Variants in NBEAL2 observed in about 807,000 individuals in gnomAD.
The protein encoded by NBEAL2 is neurobeachin like 2, also known as neurobeachin-like protein 2.
NBEAL2 carries 160 observed loss-of-function variants against 299.8 expected under a neutral mutation model. The ratio of observed to expected loss-of-function variants is 0.53; its 90% CI spans 0.47 to 0.61. The LOEUF (loss-of-function observed/expected upper bound fraction) is 0.61. Among genes scored for constraint, NBEAL2 ranks in the 20% least tolerant of loss-of-function variants. The probability of loss-of-function intolerance (pLI) is 0.00; values close to 1 mark genes in which losing one functional copy is unlikely to be tolerated. For missense variants in NBEAL2, 3,112 were observed against 3,649.0 expected, an observed-to-expected ratio of 0.85 and a Z score of 3.79; for synonymous variants, 1,493 against 1,542.3, an observed-to-expected ratio of 0.97 and a Z score of 0.75.
In NBEAL2 at chr3:46,989,154, G is replaced by C; in HGVS notation, c.339G>C (p.Lys113Asn). ...CCCGAGTGCTGGCACTGTTGACCAA[G>C]TTGGTGGCGGAGGTGAAGTGGCCTC... ...LVPRVLALLT[K>N]LVAELKGCPP... The change falls in exon 4 of 54, where the codon AAG becomes AAC. Residue 113 changes from lysine (K) to asparagine (N), a missense_variant. Physicochemically the swap from Lys to Asn is moderately conservative, Grantham distance 94. Transcript: ENST00000450053. The surrounding 1 kb of genome is among the most constrained non-coding windows in gnomAD (Gnocchi z 5.5). 3.1e-6 allele frequency: 5 copies of C among 1,613,962 alleles called. No homozygotes were observed. Among genetic ancestry groups the C allele is most frequent in the Non-Finnish European group, 3.4e-6 (4 of 1,179,862 alleles).
Position 47,002,524 on chromosome 3 carries a change from T to A in NBEAL2, c.5301+4T>A. On this transcript the variant is annotated splice_donor_region_variant and intron_variant, in intron 32 of 53. Coordinates refer to ENST00000450053, the MANE Select transcript of NBEAL2 (RefSeq NM_015175.3). ...CCAGAGTCGTCGGGCCTTCCAGGTG[T>A]GCCACCCGGGGTAAGGGATGGGAAA... 1 of 1,612,292 alleles carries A rather than the reference T, an allele frequency of 6.2e-7. No individual in the cohort carries two copies. The highest frequency in any genetic ancestry group is 1.1e-5 in the South Asian group (1 of 91,072).
intron 15 of NBEAL2, 26 bp downstream of exon 15, chr3:46,996,077 C>T: frequency 1.3e-6 from 2 of 1,581,652 alleles, no homozygotes; most frequent in Non-Finnish European, 1.7e-6. Context: ...TTTGGGGAGG[C>T]CTTGGGTAGA....
Position 47,002,646 on chromosome 3 carries a change from A to C in NBEAL2, c.5303A>C (p.Glu1768Ala). The C allele has an allele frequency of 6.2e-7, 1 of 1,609,414 alleles. No homozygotes were observed. The highest frequency in any genetic ancestry group is 8.5e-7 in the Non-Finnish European group (1 of 1,178,850). The part of the protein sequence containing the change: ...ERAQSRRAFQ[E>A]LVLEPAQRRA... ...ACTGACCTATTACCCCCACCCCAGG[A>C]GCTGGTGCTGGAACCTGCGCAGAGG... Residue 1768 changes from glutamate (E) to alanine (A), a missense_variant and splice_region_variant, in exon 33 of 54, where the codon GAG (glutamate) becomes GCG (alanine). Glu to Ala is a moderately radical substitution (Grantham distance 107). Coordinates refer to ENST00000450053, the MANE Select transcript of NBEAL2 (RefSeq NM_015175.3).
In NBEAL2 at chr3:46,998,237, G is replaced by A. The variant is rs1156580513; in HGVS notation, c.3118+11G>A. The A allele has an allele frequency of 1.2e-6, 2 of 1,606,638 alleles. No homozygotes were observed. Among genetic ancestry groups the A allele is most frequent in the Admixed American group, 1.7e-5 (1 of 59,086 alleles). On this transcript the variant is annotated intron_variant, in intron 21 of 53. Coordinates refer to ENST00000450053, the MANE Select transcript of NBEAL2 (RefSeq NM_015175.3). ...TCGCCGTGCGCCTCGGTAGGTGTGA[G>A]GACCTGAGCAAGGGGCCGGCCATAG...
In NBEAL2 at chr3:46,991,159, C is replaced by T; in HGVS notation, c.557-60C>T. 6.8e-7 allele frequency: 1 copy of T among 1,460,040 alleles called. No homozygotes were observed. Among genetic ancestry groups the T allele is most frequent in the African/African-American group, 1.4e-5 (1 of 71,152 alleles). The allele number at this position is 1,460,040 out of a possible 1,614,324, so 90.4% of individuals were successfully genotyped here. A position where few individuals can be genotyped will look rare whatever the true frequency, so the allele number is the denominator to read the frequency against. The stretch of plus-strand genomic sequence containing the variant: ...CAGGGCACTCACCTCTTGTGCAGCC[C>T]CCTGGGTCCATAGCCCTGCAACCTT... On this transcript the variant is annotated intron_variant, in intron 6 of 53. Coordinates refer to ENST00000450053, the MANE Select transcript of NBEAL2 (RefSeq NM_015175.3). The surrounding 1 kb of genome is among the most constrained non-coding windows in gnomAD (Gnocchi z 6.2).
rs2037273027 is a variant in NBEAL2, at chr3:47,004,467, C to T, written c.6199-28C>T. 1 of 1,609,716 alleles carries T rather than the reference C, an allele frequency of 6.2e-7. No homozygotes were observed. Among genetic ancestry groups the T allele is most frequent in the South Asian group, 1.1e-5 (1 of 90,802 alleles). On this transcript the variant is annotated intron_variant, in intron 37 of 53. Transcript: ENST00000450053. The surrounding 1 kb of genome is among the most constrained non-coding windows in gnomAD (Gnocchi z 5.0). ...GGGCAGTGCTGGACAGCCCACCTGG[C>T]TCACATCTTGTCTGCCCCTGTCCCC... is the stretch of plus-strand genomic sequence containing the variant.
Position 46,995,737 on chromosome 3 carries a change from G to A in NBEAL2, c.1922G>A (p.Gly641Glu). 1.9e-6 allele frequency: 3 copies of A among 1,613,714 alleles called. No homozygotes were observed. Among genetic ancestry groups the A allele is most frequent in the Non-Finnish European group, 2.5e-6 (3 of 1,179,864 alleles). Reference protein sequence around the residue: ...LYSFFTSSGSGFEAFFTAAGT... With the variant: ...LYSFFTSSGSEFEAFFTAAGT... ...AGCTTCTTTACCAGCAGCGGCTCAG[G>A]GTTTGAGGCCTTCTTCACGGCGGCC... Residue 641 changes from glycine to glutamate, a missense_variant, in exon 14 of 54, where the codon GGG becomes GAG. By Grantham distance (98) the Gly-to-Glu change is moderately conservative. This residue lies in a region of NBEAL2 where 2,243 missense variants were observed against 2,538.1 expected (regional missense o/e 0.88). Transcript: ENST00000450053.
In NBEAL2 at chr3:47,006,202, A is replaced by G; in HGVS notation, c.6957A>G (p.Glu2319=). 6.2e-7 allele frequency: 1 copy of G among 1,613,896 alleles called. No homozygotes were observed. Among genetic ancestry groups the G allele is most frequent in the Non-Finnish European group, 8.5e-7 (1 of 1,179,868 alleles). ...TGGACCATGTGACAGATGAGCGGGAACGGAAGGCTCTGGAGGGCATTATCA... is the reference window on the plus strand; with the variant it reads ...TGGACCATGTGACAGATGAGCGGGAGCGGAAGGCTCTGGAGGGCATTATCA... ...VDLDHVTDER[E]RKALEGIISN... The change falls in exon 44 of 54, where the codon GAA becomes GAG. Residue 2319 remains glutamate, a synonymous_variant. Coordinates refer to ENST00000450053, the MANE Select transcript of NBEAL2 (RefSeq NM_015175.3).
At position 47,001,787 on chromosome 3, in the gene NBEAL2, A is replaced by G. The variant is rs766599981; in HGVS notation, c.4743A>G (p.Leu1581=). 2.5e-6 allele frequency: 4 copies of G among 1,613,894 alleles called. No homozygotes were observed. In the East Asian group the frequency reaches 6.7e-5, roughly 27 times the overall value. The part of the protein sequence containing the change: ...ADLREMAQIG[L]RLVLGYILLE... ...TCCGTGAGATGGCGCAGATTGGCCT[A>G]CGGCTTGTACTTGGCTACATCCTGC... Residue 1581 remains leucine (L), a synonymous_variant, in exon 30 of 54, where the codon CTA becomes CTG. Coordinates refer to ENST00000450053, the MANE Select transcript of NBEAL2 (RefSeq NM_015175.3). The surrounding 1 kb of genome is among the most constrained non-coding windows in gnomAD (Gnocchi z 6.1).
At chr3:47,007,192 T>A (rs1436205556) in intron 46 of NBEAL2, 37 bp downstream of exon 46, 1 of 1,609,902 alleles carries the variant, frequency 6.2e-7, no homozygotes, top group South Asian at 1.1e-5. Context: ...TCAGCTCCAC[T>A]CCCCCTTGCC....
rs1465532466 is a variant in NBEAL2, at chr3:46,996,582, G to C, written c.2463G>C (p.Leu821=). Residue 821 remains leucine, a synonymous_variant, in exon 16 of 54, where the codon CTG becomes CTC. Coordinates refer to ENST00000450053, the MANE Select transcript of NBEAL2 (RefSeq NM_015175.3). ...EALQATALRT[L]CTLGPNETAP... ...TGCAGGCGACGGCTCTGAGGACCCTGTGCACCCTGGGTATGCAGCATTCTC... is the reference window on the plus strand; with the variant it reads ...TGCAGGCGACGGCTCTGAGGACCCTCTGCACCCTGGGTATGCAGCATTCTC... 1 of 1,531,600 alleles carries C rather than the reference G, an allele frequency of 6.5e-7. No homozygotes were observed. The highest frequency in any genetic ancestry group is 8.8e-7 in the Non-Finnish European group (1 of 1,137,344). The allele number at this position is 1,531,600 out of a possible 1,614,324, so 94.9% of individuals were successfully genotyped here.
Position 46,996,948 on chromosome 3 carries a change from C to G in NBEAL2, c.2557-6C>G, listed in dbSNP as rs1245252829. Reference sequence around the variant, plus strand: ...CCTGGCTGCCTGCCCATTCCCCTATCCCTAGGCTTGTAAGAACAACATCTG... The same window carrying G: ...CCTGGCTGCCTGCCCATTCCCCTATGCCTAGGCTTGTAAGAACAACATCTG... On this transcript the variant is annotated splice_region_variant and splice_polypyrimidine_tract_variant and intron_variant, in intron 17 of 53. Coordinates refer to ENST00000450053, the MANE Select transcript of NBEAL2 (RefSeq NM_015175.3). 6.2e-7 allele frequency: 1 copy of G among 1,613,020 alleles called. No individual in the cohort carries two copies. The highest frequency in any genetic ancestry group is 8.5e-7 in the Non-Finnish European group (1 of 1,179,752).
intron 13 of NBEAL2, 29 bp downstream of exon 13, chr3:46,995,662 C>G (rs764902506): frequency 5.6e-6 from 9 of 1,609,074 alleles, no homozygotes; most frequent in Non-Finnish European, 7.6e-6. Context: ...CCAGGGACCT[C>G]CTGCCAGGGT....
chr3:47,008,952 C>CA, intron 52 of NBEAL2, 37 bp from the exon 53 acceptor site: 2 of 1,598,252 alleles, frequency 1.3e-6, no homozygotes, highest in Non-Finnish European at 1.7e-6. Flanking sequence ...AGCCCCCTTG[C>CA]AGTCGCAAGT....
chr3:47,002,782 AT>A lies in NBEAL2; in HGVS notation c.5440del (p.Cys1814ValfsTer6). 1 of 1,324,220 alleles carries A rather than the reference AT, an allele frequency of 7.6e-7. No homozygotes were observed. The highest frequency in any genetic ancestry group is 9.9e-7 in the Non-Finnish European group (1 of 1,008,562). The allele number at this position is 1,324,220 out of a possible 1,614,324, so 82.0% of individuals were successfully genotyped here. On this transcript the variant is annotated frameshift_variant, in exon 33 of 54. Transcript: ENST00000450053. LOFTEE classifies it high-confidence loss of function. ...GALWRQLASP[C>X]GAWALRDTPI... is the part of the protein sequence containing the mutation. ...CGCTGTGGCGCCAGCTCGCCAGCCC[AT>A]GTGGGGCCTGGGCGCTGAGGTGGGC...
chr3:46,993,669 A>G (rs2036268048), intron 10 of NBEAL2, among the ~76,000 whole-genome samples: 1 of 152,128 alleles, frequency 6.6e-6, no homozygotes, highest in Admixed American at 6.5e-5. Context: ...GTGCAGTCAG[A>G]GTGTCCACCA....
chr3:47,001,138 C>T lies in NBEAL2; in HGVS notation c.4443C>T (p.Ala1481=), dbSNP rs753110223. ...QVFSVLTQLG[A]SATLVRPPDC... Reference sequence around the variant, plus strand: ...TCTCAGTGCTCACCCAGCTGGGGGCCTCAGCCACACTTGTGCGCCCACCAG... The same window carrying T: ...TCTCAGTGCTCACCCAGCTGGGGGCTTCAGCCACACTTGTGCGCCCACCAG... Residue 1481 remains alanine (A), a synonymous_variant, in exon 28 of 54, where the codon GCC becomes GCT. Coordinates refer to ENST00000450053, the MANE Select transcript of NBEAL2 (RefSeq NM_015175.3). The surrounding 1 kb of genome is among the most constrained non-coding windows in gnomAD (Gnocchi z 6.1). 6.2e-7 allele frequency: 1 copy of T among 1,612,554 alleles called. No homozygotes were observed. The highest frequency in any genetic ancestry group is 1.1e-5 in the South Asian group (1 of 90,968).
chr3:46,994,017 C>T lies in NBEAL2; in HGVS notation c.1194C>T (p.Ala398=). Reference sequence around the variant, plus strand: ...GCATCATGAGTGACTCCCCCTCGGCCAAGGTGAGGCTGCTGCACTGCAGCT... The same window carrying T: ...GCATCATGAGTGACTCCCCCTCGGCTAAGGTGAGGCTGCTGCACTGCAGCT... ...LTCIMSDSPS[A]KEVFKERIGY... The change falls in exon 11 of 54, where the codon GCC becomes GCT. Residue 398 remains alanine, a synonymous_variant. Transcript: ENST00000450053. 6.2e-7 allele frequency: 1 copy of T among 1,609,146 alleles called. No individual in the cohort carries two copies. The highest frequency in any genetic ancestry group is 8.5e-7 in the Non-Finnish European group (1 of 1,178,092).
intron 41 of NBEAL2, 36 bp downstream of exon 41, chr3:47,005,655 G>A (rs762090407): frequency 1.9e-6 from 3 of 1,612,086 alleles, no homozygotes; most frequent in Middle Eastern, 1.6e-4. Context: ...GCGGGCAGGT[G>A]TAGGGATGGA....
Sources: allele counts gnomAD v4.1 joint callset (sites outside exome capture counted in the v4.1 genomes callset), GRCh38; gene constraint gnomAD v4.1.1; regional missense constraint gnomAD v4.1.1; non-coding constraint Gnocchi (gnomAD v3.1); transcripts MANE v1.5; gene names NCBI Gene and HGNC (gene_info 2026-07-23, HGNC 2026-07-21).